Variants in NAV3 observed in about 807,000 individuals in gnomAD.
NAV3 encodes the protein neuron navigator 3, also known as pore membrane and/or filament interacting like protein 1.
In NAV3, 87 loss-of-function variants were observed where a neutral mutation model predicts 244.7. That is an observed-to-expected ratio of 0.36 (90% CI 0.30 to 0.42). NAV3 has a LOEUF of 0.42. Ranked by LOEUF, NAV3 falls within the 20% of genes least tolerant of loss-of-function variation. The probability of loss-of-function intolerance (pLI) is 1.00; values close to 1 mark genes in which losing one functional copy is unlikely to be tolerated. For synonymous variants in NAV3, 1,126 were observed against 1,042.2 expected (o/e 1.08, Z -1.55); for missense variants, 2,663 against 2,893.3 (o/e 0.92, Z 1.83).
At chr12:78,088,670 C>T (rs980777360) in intron 12 of NAV3, 7 of 152,100 alleles carry the variant, frequency 4.6e-5, no homozygotes, top group African/African-American at 1.7e-4. Context: ...TCCTACTGTT[C>T]TTGTGACCAC....
chr12:77,684,189 G>A (rs1401812239), intron 2 of NAV3, among the ~76,000 whole-genome samples: 2 of 152,102 alleles, frequency 1.3e-5, no homozygotes, highest in African/African-American at 4.8e-5. Context: ...TGATGACTAT[G>A]TTAAGCATGT....
intron 12 of NAV3, among the ~76,000 whole-genome samples, chr12:78,104,543 C>G (rs1033253222): frequency 5.9e-5 from 9 of 152,148 alleles, no homozygotes; most frequent in Non-Finnish European, 8.8e-5. Flanking sequence ...TTGGCCCCAT[C>G]GAGTTACTGA....
At chr12:77,770,116 C>T (rs949940672) in intron 2 of NAV3, among the ~76,000 whole-genome samples, 26 of 152,086 alleles carry the variant, frequency 1.7e-4, no homozygotes, top group Admixed American at 6.6e-5. Flanking sequence ...GGCTAGAGCT[C>T]AACAGAGTGC....
At chr12:77,808,160 C>T (rs1872083571) in intron 2 of NAV3, among the ~76,000 whole-genome samples, 1 of 152,174 alleles carries the variant, frequency 6.6e-6, no homozygotes, top group Non-Finnish European at 1.5e-5. Flanking sequence ...TACCCACCTT[C>T]TGAAGCCTAG....
chr12:77,859,421 G>A (rs1236603540), intron 1 of NAV3, among the ~76,000 whole-genome samples: 1 of 151,840 alleles, frequency 6.6e-6, no homozygotes, highest in Non-Finnish European at 1.5e-5. Context: ...TTGAGATATG[G>A]CTTTTGGCCT....
In NAV3 at chr12:77,966,312, G is replaced by A. The variant is rs1892508762; in HGVS notation, c.487+11G>A. The A allele has an allele frequency of 6.2e-7, 1 of 1,600,680 alleles. No homozygotes were observed. Among genetic ancestry groups the A allele is most frequent in the African/African-American group, 1.3e-5 (1 of 74,432 alleles). On this transcript the variant is annotated intron_variant, in intron 4 of 39. Coordinates refer to ENST00000397909, the MANE Select transcript of NAV3 (RefSeq NM_001024383.2). Reference sequence around the variant, plus strand: ...GTCTATCTGCTGAAGGTAAGAAAAAGAATGACTGAATTGTCACAAATGGCA... The same window carrying A: ...GTCTATCTGCTGAAGGTAAGAAAAAAAATGACTGAATTGTCACAAATGGCA...
chr12:78,185,973 A>G (rs1958699393), intron 31 of NAV3, among the ~76,000 whole-genome samples: 1 of 151,898 alleles, frequency 6.6e-6, no homozygotes, highest in Non-Finnish European at 1.5e-5. Context: ...TTTCTTTGGC[A>G]AACATCTTGT....
At chr12:77,883,108 A>G (rs1454854905) in intron 1 of NAV3, among the ~76,000 whole-genome samples, 1 of 152,152 alleles carries the variant, frequency 6.6e-6, no homozygotes, top group African/African-American at 2.4e-5. Context: ...AGGAAAATAA[A>G]TTATTCTACC....
At chr12:77,981,673 T>C (rs1869585370) in intron 5 of NAV3, among the ~76,000 whole-genome samples, 1 of 152,028 alleles carries the variant, frequency 6.6e-6, no homozygotes, top group Admixed American at 6.6e-5. Flanking sequence ...AATTTCTGTC[T>C]TTTTAACATA....
At chr12:78,123,488 TA>T (rs2138731701) in intron 16 of NAV3, among the ~76,000 whole-genome samples, 1 of 152,146 alleles carries the variant, frequency 6.6e-6, no homozygotes, top group South Asian at 2.1e-4. Flanking sequence ...AGTTTCCCTT[TA>T]ATGTAGGATG....
chr12:77,905,017 T>C (rs563765064), intron 1 of NAV3, among the ~76,000 whole-genome samples: 21 of 152,240 alleles, frequency 1.4e-4, no homozygotes, highest in African/African-American at 4.3e-4. Context: ...TCAGTTATTC[T>C]CATATTTAAT....
At chr12:78,147,714 A>G (rs1046789098) in intron 21 of NAV3, among the ~76,000 whole-genome samples, 6 of 151,988 alleles carry the variant, frequency 3.9e-5, no homozygotes, top group Non-Finnish European at 7.4e-5. Flanking sequence ...AGAGTGTTTG[A>G]GTTGACCACC....
At chr12:77,707,194 G>C (rs1243608208) in intron 2 of NAV3, among the ~76,000 whole-genome samples, 1 of 150,644 alleles carries the variant, frequency 6.6e-6, no homozygotes, top group African/African-American at 2.4e-5. Context: ...ATCTCCTAAT[G>C]CTATCCCTTC....
chr12:77,897,690 C>CT lies in NAV3; in HGVS notation c.244-42617dup, dbSNP rs111953211. Among the ~76,000 whole-genome samples, 1,305 of 143,080 alleles carry CT rather than the reference C, an allele frequency of 9.1e-3. 18 individuals carry two copies. The highest frequency in any genetic ancestry group is 0.033 in the Middle Eastern group (9 of 274). 93.9% of individuals were successfully genotyped at this position (143,080 alleles called of 152,430 possible). On this transcript the variant is annotated intron_variant, in intron 1 of 39. Transcript: ENST00000397909. ...GGCCAATCCTGGGCTCCTATTTTGTCTTTTTTTTTTTTCTTTTTCTTTTAG... is the reference window on the plus strand; with the variant it reads ...GGCCAATCCTGGGCTCCTATTTTGTCTTTTTTTTTTTTTCTTTTTCTTTTAG...
At chr12:77,819,812 C>T (rs1872661367) in intron 2 of NAV3, among the ~76,000 whole-genome samples, 1 of 152,018 alleles carries the variant, frequency 6.6e-6, no homozygotes, top group Non-Finnish European at 1.5e-5. Context: ...TTCTCATGGT[C>T]CACACATTTA....
chr12:77,843,611 C>A (rs1367015208), intron 1 of NAV3, among the ~76,000 whole-genome samples: 8 of 150,246 alleles, frequency 5.3e-5, no homozygotes, highest in African/African-American at 2.0e-4. Flanking sequence ...ATATTAAATT[C>A]CTATTCAATA....
At chr12:77,729,223 T>C (rs754074330) in intron 2 of NAV3, among the ~76,000 whole-genome samples, 1 of 151,930 alleles carries the variant, frequency 6.6e-6, no homozygotes, top group Non-Finnish European at 1.5e-5. Context: ...AAGGATCAAG[T>C]GTATATTGAT....
chr12:77,746,850 A>G (rs1868571737), intron 2 of NAV3, among the ~76,000 whole-genome samples: 1 of 152,046 alleles, frequency 6.6e-6, no homozygotes, highest in South Asian at 2.1e-4. Flanking sequence ...ACAATGGCTT[A>G]TTTTTCCTGT....
In NAV3 at chr12:77,692,820, A is replaced by T. The variant is rs573702284; in HGVS notation, c.72+120554A>T. 3.3e-5 allele frequency among the ~76,000 whole-genome samples: 5 copies of T among 152,292 alleles called. No individual in the cohort carries two copies. In the East Asian group the frequency reaches 9.6e-4, roughly 29 times the overall value. On this transcript the variant is annotated intron_variant, in intron 2 of 8. Coordinates refer to the NAV3 transcript ENST00000550042. ...CTTAATAGTCCATTGAGAGAAAAAG[A>T]TACACACCAAAGAAGCCCAGAAATT...
Sources: gnomAD v4.1 joint callset for allele counts (sites outside exome capture counted in the v4.1 genomes callset) on GRCh38, gnomAD v4.1.1 for gene constraint, MANE v1.5 for transcripts, NCBI Gene and HGNC (gene_info 2026-07-23, HGNC 2026-07-21) for gene names.